The following RGS7BP variants were observed in gnomAD, a reference collection of about 807,000 sequenced individuals.
RGS7BP encodes regulator of G protein signaling 7-binding protein.
Under a neutral mutation model 31.3 loss-of-function variants are expected in RGS7BP, and 9 were observed. That is an observed-to-expected ratio of 0.29 (90% CI 0.17 to 0.50). RGS7BP has a LOEUF of 0.50. Ranked by LOEUF, RGS7BP falls within the 20% of genes least tolerant of loss-of-function variation. The pLI, the probability that RGS7BP is intolerant of heterozygous loss-of-function variation, is 0.98. For missense variants in RGS7BP, 274 were observed against 322.0 expected, an observed-to-expected ratio of 0.85 and a Z score of 1.14; for synonymous variants, 115 against 120.1, an observed-to-expected ratio of 0.96 and a Z score of 0.28.
chr5:64,525,255 G>GCAA (rs1178451543), intron 2 of RGS7BP, among the ~76,000 whole-genome samples: 1 of 152,128 alleles, frequency 6.6e-6, no homozygotes, highest in African/African-American at 2.4e-5. Flanking sequence ...AAAGGAGGGA[G>GCAA]GTGTTCTTAA....
At chr5:64,553,333 C>A (rs1482068615) in intron 2 of RGS7BP, among the ~76,000 whole-genome samples, 3 of 151,804 alleles carry the variant, frequency 2.0e-5, no homozygotes, top group Non-Finnish European at 1.5e-5. Flanking sequence ...CCACTACACC[C>A]AGCTAGTTTT....
intron 5 of RGS7BP, among the ~76,000 whole-genome samples, chr5:64,606,119 G>T (rs1743357953): frequency 6.7e-6 from 1 of 150,354 alleles, no homozygotes; most frequent in Non-Finnish European, 1.5e-5. Flanking sequence ...AGGTTTTTAG[G>T]TTTTTTTTAA....
chr5:64,569,279 G>T (rs1387733084), intron 2 of RGS7BP, among the ~76,000 whole-genome samples: 1 of 151,040 alleles, frequency 6.6e-6, no homozygotes, highest in Non-Finnish European at 1.5e-5. Flanking sequence ...ACTTGCTAAG[G>T]CTCTCTATGA....
At chr5:64,599,510 G>T (rs962797794) in intron 5 of RGS7BP, among the ~76,000 whole-genome samples, 3 of 152,146 alleles carry the variant, frequency 2.0e-5, no homozygotes, top group African/African-American at 7.2e-5. Context: ...AGAGGCTGAG[G>T]AGTAGTGTGG....
At chr5:64,527,138 CTG>C (rs1222304043) in intron 2 of RGS7BP, among the ~76,000 whole-genome samples, 1 of 152,208 alleles carries the variant, frequency 6.6e-6, no homozygotes, top group African/African-American at 2.4e-5. Context: ...TTTTGAGAGA[CTG>C]TATTATACCA....
chr5:64,602,643 C>T (rs1743248950), intron 5 of RGS7BP, among the ~76,000 whole-genome samples: 1 of 152,160 alleles, frequency 6.6e-6, no homozygotes, highest in African/African-American at 2.4e-5. Flanking sequence ...TTTCCAAATG[C>T]CATATGCCTC....
At chr5:64,574,412 C>T (rs1208322078) in intron 2 of RGS7BP, among the ~76,000 whole-genome samples, 1 of 151,920 alleles carries the variant, frequency 6.6e-6, no homozygotes, top group Non-Finnish European at 1.5e-5. Context: ...AAAAAAACCC[C>T]GATATTTTCC....
rs1020557346 is a variant in RGS7BP, at chr5:64,585,146, G to T, written c.463+9242G>T. ...TTCGCATTCAGTCAGTATGAAAACT[G>T]CCCTGCAAGCCTGTTCAGTGCATAG... On this transcript the variant is annotated intron_variant, in intron 3 of 5. Coordinates refer to ENST00000334025, the MANE Select transcript of RGS7BP (RefSeq NM_001029875.3). 2.6e-5 allele frequency among the ~76,000 whole-genome samples: 4 copies of T among 152,168 alleles called. No individual in the cohort carries two copies. The East Asian group carries it at 7.8e-4, about 30-fold the overall frequency.
chr5:64,579,171 T>G (rs758655591), intron 3 of RGS7BP, among the ~76,000 whole-genome samples: 9 of 152,008 alleles, frequency 5.9e-5, no homozygotes, highest in Non-Finnish European at 1.2e-4. Flanking sequence ...GTTAAGGCAA[T>G]GAGGAGGAGG....
intron 3 of RGS7BP, among the ~76,000 whole-genome samples, chr5:64,579,087 T>G (rs1473276920): frequency 6.6e-6 from 1 of 152,174 alleles, no homozygotes; most frequent in Non-Finnish European, 1.5e-5. Flanking sequence ...CTGGCAAGTC[T>G]CTTGTGTTTC....
intron 2 of RGS7BP, among the ~76,000 whole-genome samples, chr5:64,523,241 G>A (rs1749152801): frequency 6.6e-6 from 1 of 152,188 alleles, no homozygotes; most frequent in African/African-American, 2.4e-5. Flanking sequence ...CAGTGCTGTT[G>A]GGGTGAGCCC....
At chr5:64,528,079 T>C (rs1290280162) in intron 2 of RGS7BP, among the ~76,000 whole-genome samples, 2 of 152,262 alleles carry the variant, frequency 1.3e-5, no homozygotes, top group East Asian at 3.8e-4. Flanking sequence ...GCTGCTTTGC[T>C]TGTCCTCTAG....
chr5:64,556,417 C>CCACACACA (rs10624566), intron 2 of RGS7BP, among the ~76,000 whole-genome samples: 118 of 125,426 alleles, frequency 9.4e-4, no homozygotes, highest in African/African-American at 2.6e-3. Context: ...TCTTCCCCAG[C>CCACACACA]CACACACACA....
At chr5:64,597,766 G>A (rs1448090808) in intron 4 of RGS7BP, among the ~76,000 whole-genome samples, 1 of 151,854 alleles carries the variant, frequency 6.6e-6, no homozygotes, top group Non-Finnish European at 1.5e-5. Flanking sequence ...AAGGTGTGGG[G>A]GGTGAGAAAA....
At chr5:64,562,576 C>T (rs1326531176) in intron 2 of RGS7BP, among the ~76,000 whole-genome samples, 2 of 152,126 alleles carry the variant, frequency 1.3e-5, no homozygotes, top group Non-Finnish European at 2.9e-5. Flanking sequence ...TGTCAATATT[C>T]TTTCCTCTTT....
rs1488173645 is a variant in RGS7BP, at chr5:64,609,296, C to G, written c.*44C>G. 8.6e-7 allele frequency: 1 copy of G among 1,163,658 alleles called. No homozygotes were observed. The highest frequency in any genetic ancestry group is 2.3e-5 in the East Asian group (1 of 42,870). The allele number at this position is 1,163,658 out of a possible 1,614,324, so 72.1% of individuals were successfully genotyped here. A position where few individuals can be genotyped will look rare whatever the true frequency, so the allele number is the denominator to read the frequency against. On this transcript the variant is annotated 3_prime_UTR_variant, in exon 6 of 6. Coordinates refer to ENST00000334025, the MANE Select transcript of RGS7BP (RefSeq NM_001029875.3). The stretch of plus-strand genomic sequence containing the variant: ...CCACTGAGAACATCTGAAAAAAAAT[C>G]ACAAAACCCGAGGACCTCCAGACAG...
chr5:64,530,170 GA>G (rs200917312), intron 2 of RGS7BP, among the ~76,000 whole-genome samples: 3,401 of 151,936 alleles, frequency 0.022, 73 homozygotes, highest in African/African-American at 0.056. Context: ...TTCAAATTGA[GA>G]AAAAAAACTT....
chr5:64,557,953 A>T (rs1741966889), intron 2 of RGS7BP, among the ~76,000 whole-genome samples: 1 of 152,152 alleles, frequency 6.6e-6, no homozygotes, highest in African/African-American at 2.4e-5. Context: ...ACACTTTTAA[A>T]ATTAGGATAA....
chr5:64,560,148 C>T (rs1742018575), intron 2 of RGS7BP, among the ~76,000 whole-genome samples: 1 of 152,168 alleles, frequency 6.6e-6, no homozygotes, highest in Non-Finnish European at 1.5e-5. Flanking sequence ...TAATATCAAA[C>T]TTTAACCTTA....
Sources: allele counts gnomAD v4.1 joint callset (sites outside exome capture counted in the v4.1 genomes callset), GRCh38; gene constraint gnomAD v4.1.1; transcripts MANE v1.5; gene names NCBI Gene and HGNC (gene_info 2026-07-23, HGNC 2026-07-21).